Variants in KDM1B observed in about 807,000 individuals in gnomAD.
KDM1B encodes lysine demethylase 1B.
In KDM1B, 63 loss-of-function variants were observed where a neutral mutation model predicts 107.4. The ratio of observed to expected loss-of-function variants is 0.59; its 90% CI spans 0.48 to 0.72. The LOEUF is 0.72. Among genes scored for constraint, KDM1B ranks in the 30% least tolerant of loss-of-function variants. KDM1B has a pLI of 0.00. For missense variants in KDM1B, 749 were observed against 1,020.8 expected, an observed-to-expected ratio of 0.73 and a Z score of 3.63; for synonymous variants, 363 against 363.9, an observed-to-expected ratio of 1.00 and a Z score of 0.03.
At position 18,209,895 on chromosome 6, in the gene KDM1B, A is replaced by G. The variant is rs1788705439; in HGVS notation, c.1866+1689A>G. On this transcript the variant is annotated intron_variant, in intron 17 of 21. Transcript: ENST00000650836. The surrounding 1 kb of genome is among the most constrained non-coding windows in gnomAD (Gnocchi z 4.3). The stretch of plus-strand genomic sequence containing the variant: ...GCCTGGTGGTAAACAGTGTTTAAAA[A>G]TACTACCTTTTAAAATTGCAAGTCA... Among the ~76,000 whole-genome samples, 1 of 152,166 alleles carries G rather than the reference A, an allele frequency of 6.6e-6. No individual in the cohort carries two copies.
chr6:18,167,910 C>T (rs1469187388), intron 6 of KDM1B, among the ~76,000 whole-genome samples: 2 of 151,954 alleles, frequency 1.3e-5, no homozygotes, highest in Non-Finnish European at 2.9e-5. Flanking sequence ...CTATAGAGTG[C>T]ACCACCATGT....
At position 18,186,536 on chromosome 6, in the gene KDM1B, A is replaced by T. The variant is rs1209903014; in HGVS notation, c.573+726A>T. Among the ~76,000 whole-genome samples the T allele has an allele frequency of 5.3e-5, 8 of 152,156 alleles. No homozygotes were observed. The highest frequency in any genetic ancestry group is 1.0e-4 in the Non-Finnish European group (7 of 68,028). ...GCAAAGACAGCATTGACTTTTAGCA[A>T]ATCTACTTTAAATCCATTCTGTTAT... On this transcript the variant is annotated intron_variant, in intron 8 of 21. Coordinates refer to ENST00000650836, the MANE Select transcript of KDM1B (RefSeq NM_001364614.2). This position sits in a 1 kb window ranked among gnomAD's most constrained non-coding sequence, Gnocchi z 5.6.
rs1422543853 is a variant in KDM1B at position 18,171,436 on chromosome 6, C to T, written c.491C>T (p.Ala164Val). The change falls in exon 7 of 22, where the codon GCC (alanine) becomes GTC (valine). Residue 164 changes from alanine to valine, a missense_variant. Physicochemically the swap from Ala to Val is moderately conservative, Grantham distance 64. Transcript: ENST00000650836. ...TKEIQLTPQI[A>V]KTYRCGMKPN... Reference sequence around the variant, plus strand: ...GAAATCCAGCTTACTCCACAGATAGCCAAGACTTATCGATGCGGTATGAAA... The same window carrying T: ...GAAATCCAGCTTACTCCACAGATAGTCAAGACTTATCGATGCGGTATGAAA... 6.2e-7 allele frequency: 1 copy of T among 1,613,250 alleles called. No homozygotes were observed. Among genetic ancestry groups the T allele is most frequent in the East Asian group, 2.2e-5 (1 of 44,848 alleles).
In KDM1B at chr6:18,171,349, T is replaced by TA. The variant is rs1456885854; in HGVS notation, c.418-13dup. The TA allele has an allele frequency of 2.3e-6, 3 of 1,319,472 alleles. No individual in the cohort carries two copies. The highest frequency in any genetic ancestry group is 3.3e-6 in the Non-Finnish European group (3 of 911,042). 81.7% of individuals were successfully genotyped at this position (1,319,472 alleles called of 1,614,324 possible). A position where few individuals can be genotyped will look rare whatever the true frequency, so the allele number is the denominator to read the frequency against. Reference sequence around the variant, plus strand: ...AGCTCACTTGTTCATCTTGACTTGATACTTCCCATCTAGGTTCAGTGTACA... The same window carrying TA: ...AGCTCACTTGTTCATCTTGACTTGATAACTTCCCATCTAGGTTCAGTGTACA... On this transcript the variant is annotated splice_polypyrimidine_tract_variant and intron_variant, in intron 6 of 21. Coordinates refer to ENST00000650836, the MANE Select transcript of KDM1B (RefSeq NM_001364614.2).
chr6:18,210,738 C>T (rs1788802526), intron 17 of KDM1B, among the ~76,000 whole-genome samples: 1 of 152,066 alleles, frequency 6.6e-6, no homozygotes, highest in Non-Finnish European at 1.5e-5. Flanking sequence ...GTGGCTCATG[C>T]CTGTAATCAC....
chr6:18,191,216 C>A lies in KDM1B; in HGVS notation c.804C>A (p.Tyr268Ter). 1.3e-6 allele frequency: 2 copies of A among 1,550,552 alleles called. No homozygotes were observed. Among genetic ancestry groups the A allele is most frequent in the Non-Finnish European group, 1.7e-6 (2 of 1,146,990 alleles). Residue 268 changes from tyrosine to a stop codon, truncating the protein, a stop_gained, in exon 10 of 22, where the codon TAC becomes TAA. Transcript: ENST00000650836. LOFTEE classifies it high-confidence loss of function. The surrounding 1 kb of genome is among the most constrained non-coding windows in gnomAD (Gnocchi z 5.1). ...LSVHVPGMNR[Y>*]FQPFYQPNEC... Reference sequence around the variant, plus strand: ...TATCAGTTCCAGGCATGAACCGATACTTCCAGCCTTTCTACCAGCCCAATG... The same window carrying A: ...TATCAGTTCCAGGCATGAACCGATAATTCCAGCCTTTCTACCAGCCCAATG...
chr6:18,211,456 T>G lies in KDM1B; in HGVS notation c.1867-1032T>G, dbSNP rs1179967678. ...GAGATGTAGAAGGTGTAGGTTGACT[T>G]TCGCTTCCCTTCTGCTGCCTCTGTT... On this transcript the variant is annotated intron_variant, in intron 17 of 21. Coordinates refer to ENST00000650836, the MANE Select transcript of KDM1B (RefSeq NM_001364614.2). The surrounding 1 kb of genome is among the most constrained non-coding windows in gnomAD (Gnocchi z 5.2). 1.3e-5 allele frequency: 2 copies of G among 152,374 alleles called. No individual in the cohort carries two copies. Among genetic ancestry groups the G allele is most frequent in the East Asian group, 3.9e-4 (2 of 5,184 alleles). The allele number at this position is 152,374 out of a possible 1,614,324, so 9.4% of individuals were successfully genotyped here.
intron 17 of KDM1B, among the ~76,000 whole-genome samples, chr6:18,210,537 T>A (rs1210680613): frequency 1.3e-5 from 2 of 151,720 alleles, no homozygotes; most frequent in African/African-American, 4.8e-5. Flanking sequence ...AAAAATTTTT[T>A]TTTTGTAGAG....
At chr6:18,217,986 CAA>C (rs940958575) in intron 21 of KDM1B, 101 bp downstream of exon 21, 16 of 1,288,764 alleles carry the variant, frequency 1.2e-5, no homozygotes, top group African/African-American at 3.0e-5. Context: ...CAAATACTGT[CAA>C]AAGTCTTATG....
Position 18,209,791 on chromosome 6 carries a change from T to C in KDM1B, c.1866+1585T>C, listed in dbSNP as rs1328298116. On this transcript the variant is annotated intron_variant, in intron 17 of 21. Transcript: ENST00000650836. The surrounding 1 kb of genome is among the most constrained non-coding windows in gnomAD (Gnocchi z 4.3). The stretch of plus-strand genomic sequence containing the variant: ...CCCGGCTAGTCATGTTTTTAAAGCT[T>C]CTCAAGTGATTCCAGTGTGCAGCCG... Among the ~76,000 whole-genome samples, 1 of 152,168 alleles carries C rather than the reference T, an allele frequency of 6.6e-6. No homozygotes were observed. Among genetic ancestry groups the C allele is most frequent in the Non-Finnish European group, 1.5e-5 (1 of 68,032 alleles).
chr6:18,193,298 C>CTTTTTT (rs61133563), intron 10 of KDM1B, among the ~76,000 whole-genome samples: 144 of 90,046 alleles, frequency 1.6e-3, no homozygotes, highest in Middle Eastern at 8.5e-3. Flanking sequence ...TGTGTGCTTT[C>CTTTTTT]TTTTTTTTTT....
chr6:18,191,480 T>C lies in KDM1B; in HGVS notation c.969+99T>C. 1 of 1,306,674 alleles carries C rather than the reference T, an allele frequency of 7.7e-7. No homozygotes were observed. 80.9% of individuals were successfully genotyped at this position (1,306,674 alleles called of 1,614,324 possible). On this transcript the variant is annotated intron_variant, in intron 10 of 21. Transcript: ENST00000650836. The surrounding 1 kb of genome is among the most constrained non-coding windows in gnomAD (Gnocchi z 5.1). ...GGGGATGGAACCTTTTATGCCAGGGTTTCTCAGCCGTGCCTCTGTTGACAA... is the reference window on the plus strand; with the variant it reads ...GGGGATGGAACCTTTTATGCCAGGGCTTCTCAGCCGTGCCTCTGTTGACAA...
rs575316530 is a variant in KDM1B, at chr6:18,179,433, A to G, written c.535-6339A>G. Among the ~76,000 whole-genome samples the G allele has an allele frequency of 2.6e-5, 4 of 151,968 alleles. No homozygotes were observed. The South Asian group carries it at 6.2e-4, about 24-fold the overall frequency. On this transcript the variant is annotated intron_variant, in intron 7 of 21. Coordinates refer to ENST00000650836, the MANE Select transcript of KDM1B (RefSeq NM_001364614.2). ...AAACGAGCAGTATATCCTCTTTTCTATTTTGTTGTATAGGTTTGATATTAC... is the reference window on the plus strand; with the variant it reads ...AAACGAGCAGTATATCCTCTTTTCTGTTTTGTTGTATAGGTTTGATATTAC...
chr6:18,168,546 A>T (rs1478214102), intron 6 of KDM1B, among the ~76,000 whole-genome samples: 1 of 152,218 alleles, frequency 6.6e-6, no homozygotes, highest in East Asian at 1.9e-4. Context: ...GCGTTTAGCA[A>T]TTGTGAATAG....
chr6:18,188,707 G>A (rs567802364), intron 9 of KDM1B, among the ~76,000 whole-genome samples: 4 of 151,956 alleles, frequency 2.6e-5, no homozygotes, highest in African/African-American at 4.8e-5. Flanking sequence ...TCCAGCTCCT[G>A]GGTTCAAGCA....
chr6:18,204,520 G>A lies in KDM1B; in HGVS notation c.1532-1017G>A, dbSNP rs144193396. On this transcript the variant is annotated intron_variant, in intron 14 of 21. Transcript: ENST00000650836. The surrounding 1 kb of genome is among the most constrained non-coding windows in gnomAD (Gnocchi z 4.9). ...ACACCACCAGAAAAAGAAACGTGGA[G>A]TCTGTGATACATGTTTTGGATGGTT... Among the ~76,000 whole-genome samples the A allele has an allele frequency of 6.6e-6, 1 of 152,254 alleles. No individual in the cohort carries two copies. The highest frequency in any genetic ancestry group is 1.9e-4 in the East Asian group (1 of 5,182).
At chr6:18,181,199 C>A (rs1786448581) in intron 7 of KDM1B, among the ~76,000 whole-genome samples, 1 of 152,134 alleles carries the variant, frequency 6.6e-6, no homozygotes, top group Non-Finnish European at 1.5e-5. Context: ...TGTGAATTAA[C>A]CATCATTGAG....
chr6:18,204,871 A>C lies in KDM1B; in HGVS notation c.1532-666A>C, dbSNP rs940649997. ...CCCTGCAGGGTAGGAATTTACCAGG[A>C]AAAAGATTCAAAGCATTACAGCAGA... On this transcript the variant is annotated intron_variant, in intron 14 of 21. Coordinates refer to ENST00000650836, the MANE Select transcript of KDM1B (RefSeq NM_001364614.2). This position sits in a 1 kb window ranked among gnomAD's most constrained non-coding sequence, Gnocchi z 4.9. Among the ~76,000 whole-genome samples, 1 of 152,206 alleles carries C rather than the reference A, an allele frequency of 6.6e-6. No individual in the cohort carries two copies. Among genetic ancestry groups the C allele is most frequent in the Non-Finnish European group, 1.5e-5 (1 of 68,030 alleles).
intron 3 of KDM1B, 149 bp from the exon 4 acceptor site, chr6:18,161,178 G>A: frequency 1.6e-6 from 1 of 630,334 alleles, no homozygotes; most frequent in Non-Finnish European, 2.8e-6. Flanking sequence ...CAGTCACCAG[G>A]AAATTGCTGT....
Sources: gnomAD v4.1 joint callset for allele counts (sites outside exome capture counted in the v4.1 genomes callset) on GRCh38, gnomAD v4.1.1 for gene constraint, Gnocchi (gnomAD v3.1) non-coding constraint, MANE v1.5 for transcripts, NCBI Gene and HGNC (gene_info 2026-07-23, HGNC 2026-07-21) for gene names.